Variants in RIMS1 observed in about 807,000 individuals in gnomAD.
The protein encoded by RIMS1 is regulating synaptic membrane exocytosis protein 1.
A neutral mutation model predicts 214.1 loss-of-function variants in RIMS1; 83 were observed. That is an observed-to-expected ratio of 0.39 (90% CI 0.32 to 0.47). The LOEUF is 0.47. Among genes scored for constraint, RIMS1 ranks in the 20% least tolerant of loss-of-function variants. The pLI is 0.99. For missense variants in RIMS1, 2,050 were observed against 2,161.8 expected (o/e 0.95, Z 1.03); for synonymous variants, 793 against 786.8 (o/e 1.01, Z -0.13).
At chr6:72,349,790 G>A (rs556280558) in intron 29 of RIMS1, among the ~76,000 whole-genome samples, 18 of 151,962 alleles carry the variant, frequency 1.2e-4, no homozygotes, top group Non-Finnish European at 2.2e-4. Flanking sequence ...TTTCTACCTT[G>A]GGAAGTACAC....
At chr6:72,124,530 C>G (rs1351637222) in intron 4 of RIMS1, among the ~76,000 whole-genome samples, 1 of 151,824 alleles carries the variant, frequency 6.6e-6, no homozygotes, top group Non-Finnish European at 1.5e-5. Context: ...GCCAGCCTTG[C>G]TAGGTTGGGG....
chr6:72,261,101 A>G, intron 19 of RIMS1: 4 of 1,191,528 alleles, frequency 3.4e-6, no homozygotes, highest in Non-Finnish European at 3.2e-6. Context: ...TCCCACACAT[A>G]TTCCTGTCTA....
At chr6:72,340,111 C>T (rs1263387603) in intron 29 of RIMS1, among the ~76,000 whole-genome samples, 35 of 152,022 alleles carry the variant, frequency 2.3e-4, no homozygotes, top group Non-Finnish European at 3.5e-4. Flanking sequence ...TCATATCCTT[C>T]GCCCACTTGT....
At chr6:71,958,411 G>T (rs1342092779) in intron 1 of RIMS1, among the ~76,000 whole-genome samples, 1 of 152,082 alleles carries the variant, frequency 6.6e-6, no homozygotes, top group Non-Finnish European at 1.5e-5. Context: ...ATATAAGAAC[G>T]TGTGCTTCCT....
intron 22 of RIMS1, among the ~76,000 whole-genome samples, chr6:72,269,754 T>C (rs546502489): frequency 8.5e-5 from 13 of 152,320 alleles, no homozygotes; most frequent in South Asian, 2.1e-4. Flanking sequence ...CCAGTGACAC[T>C]CCTGCTCCCA....
At chr6:72,367,175 A>G (rs531851809) in intron 29 of RIMS1, among the ~76,000 whole-genome samples, 2 of 152,332 alleles carry the variant, frequency 1.3e-5, no homozygotes, top group African/African-American at 4.8e-5. Flanking sequence ...TTAAAGCTGG[A>G]TTTGAAGTTG....
intron 2 of RIMS1, among the ~76,000 whole-genome samples, chr6:72,020,121 A>C (rs531783032): frequency 6.6e-6 from 1 of 152,160 alleles, no homozygotes; most frequent in Non-Finnish European, 1.5e-5. Context: ...ACTTATTTGG[A>C]ATAACATATC....
intron 23 of RIMS1, among the ~76,000 whole-genome samples, chr6:72,279,614 AAAT>A (rs1187208271): frequency 3.3e-5 from 5 of 152,072 alleles, no homozygotes; most frequent in Non-Finnish European, 7.4e-5. Context: ...TTTAAACTAA[AAAT>A]AAGACATAAT....
intron 1 of RIMS1, among the ~76,000 whole-genome samples, chr6:71,901,099 A>G (rs1478124618): frequency 6.6e-6 from 1 of 152,100 alleles, no homozygotes; most frequent in Non-Finnish European, 1.5e-5. Context: ...TAGATGAACA[A>G]ACAAGGAAGA....
At chr6:72,085,662 G>C (rs944798128) in intron 2 of RIMS1, among the ~76,000 whole-genome samples, 1 of 151,996 alleles carries the variant, frequency 6.6e-6, no homozygotes, top group Non-Finnish European at 1.5e-5. Flanking sequence ...ATTTGCACCA[G>C]AACTACTAAA....
intron 6 of RIMS1, among the ~76,000 whole-genome samples, chr6:72,223,388 A>G (rs144482456): frequency 2.6e-4 from 40 of 152,294 alleles, no homozygotes; most frequent in Middle Eastern, 3.4e-3. Flanking sequence ...GTTACAATAA[A>G]TATACTAAAT....
Position 72,213,214 on chromosome 6 carries a change from C to A in RIMS1, c.1679-20559C>A, listed in dbSNP as rs904456183. The A allele has an allele frequency of 5.2e-6, 8 of 1,535,984 alleles. No individual in the cohort carries two copies. The South Asian group carries it at 9.5e-5, about 18-fold the overall frequency. On this transcript the variant is annotated intron_variant, in intron 6 of 33. Coordinates refer to ENST00000521978, the MANE Select transcript of RIMS1 (RefSeq NM_014989.7). ...GAGGGAACAATTGAAGCTCGACGAG[C>A]AGTTGCTGGTAAGCAATAGATAATG...
intron 9 of RIMS1, among the ~76,000 whole-genome samples, chr6:72,239,814 C>G (rs1271392198): frequency 1.3e-5 from 2 of 152,094 alleles, no homozygotes; most frequent in Admixed American, 6.5e-5. Context: ...TTCAGCTGTC[C>G]AGGATGTTGG....
At chr6:72,377,611 A>G (rs1361565970) in intron 29 of RIMS1, among the ~76,000 whole-genome samples, 1 of 152,224 alleles carries the variant, frequency 6.6e-6, no homozygotes, top group Non-Finnish European at 1.5e-5. Context: ...AACTGATACT[A>G]TCTTTTCATA....
At position 72,138,016 on chromosome 6, in the gene RIMS1, G is replaced by A. The variant is rs187084072; in HGVS notation, c.471+38030G>A. 7.0e-4 allele frequency among the ~76,000 whole-genome samples: 106 copies of A among 152,142 alleles called. 1 individual carries two copies. Among genetic ancestry groups the A allele is most frequent in the Non-Finnish European group, 3.1e-4 (21 of 68,006 alleles). On this transcript the variant is annotated intron_variant, in intron 4 of 33. Transcript: ENST00000521978. ...CTCCCCAAGTGCTGAGATTACAGGC[G>A]TGAGCCACCGCGCCCGGCAAAGTCT...
chr6:71,990,098 C>G (rs575043132), intron 2 of RIMS1, among the ~76,000 whole-genome samples: 4 of 152,304 alleles, frequency 2.6e-5, no homozygotes, highest in Admixed American at 1.3e-4. Context: ...TCATTTAATT[C>G]CTACCTCCTA....
At chr6:72,394,811 C>A (rs1319126744) in intron 31 of RIMS1, among the ~76,000 whole-genome samples, 1 of 151,808 alleles carries the variant, frequency 6.6e-6, no homozygotes, top group African/African-American at 2.4e-5. Context: ...TCTAGAACAA[C>A]AAAGTTGATC....
intron 2 of RIMS1, among the ~76,000 whole-genome samples, chr6:72,072,146 G>A (rs949169570): frequency 1.3e-5 from 2 of 152,256 alleles, no homozygotes; most frequent in African/African-American, 4.8e-5. Context: ...GGGATTTAAG[G>A]ATCAGAAGGA....
chr6:72,105,319 A>T (rs1483555951), intron 4 of RIMS1, among the ~76,000 whole-genome samples: 3 of 152,084 alleles, frequency 2.0e-5, no homozygotes. Flanking sequence ...TTATTTCAAA[A>T]TTACTATCTC....
Sources: gnomAD v4.1 joint callset for allele counts (sites outside exome capture counted in the v4.1 genomes callset) on GRCh38, gnomAD v4.1.1 for gene constraint, MANE v1.5 for transcripts, NCBI Gene and HGNC (gene_info 2026-07-23, HGNC 2026-07-21) for gene names.